Variants in STRA6 observed in about 807,000 individuals in gnomAD.
The protein encoded by STRA6 is signaling receptor and transporter of retinol STRA6, also known as receptor for retinol uptake STRA6.
Under a neutral mutation model 83.6 loss-of-function variants are expected in STRA6, and 48 were observed. That is an observed-to-expected ratio of 0.57 (90% CI 0.46 to 0.73). STRA6 has a LOEUF of 0.73. Ranked by LOEUF, STRA6 falls within the 30% of genes least tolerant of loss-of-function variation. STRA6 has a pLI of 0.00. For synonymous variants in STRA6, 353 were observed against 362.3 expected (o/e 0.97, Z 0.29); for missense variants, 760 against 838.8 (o/e 0.91, Z 1.16).
upstream of STRA6, among the ~76,000 whole-genome samples, chr15:74,203,436 G>A (rs2074173626): frequency 6.6e-6 from 1 of 152,204 alleles, no homozygotes; most frequent in South Asian, 2.1e-4. Flanking sequence ...CAGCCTGGAG[G>A]AAGGGGCGAG....
At chr15:74,207,225 A>C (rs1388606404), upstream of STRA6, among the ~76,000 whole-genome samples, 1 of 152,248 alleles carries the variant, frequency 6.6e-6, no homozygotes, top group Non-Finnish European at 1.5e-5. Flanking sequence ...AGAAGCTAAC[A>C]GCAGGCCAGA....
upstream of STRA6, among the ~76,000 whole-genome samples, chr15:74,207,430 T>C (rs1346008435): frequency 6.6e-6 from 1 of 151,748 alleles, no homozygotes; most frequent in Non-Finnish European, 1.5e-5. Context: ...CTGCAACACC[T>C]CAGGACACTC....
intron 2 of STRA6, among the ~76,000 whole-genome samples, chr15:74,201,742 G>A (rs1384113085): frequency 6.6e-6 from 1 of 152,014 alleles, no homozygotes; most frequent in African/African-American, 2.4e-5. Flanking sequence ...CTTGACACTT[G>A]GAAACACCAC....
Position 74,197,821 on chromosome 15 carries a change from G to A in STRA6, c.114-3C>T. ...TGGTGTGGCAGGAGGGCACTTCCCTGCAGAGCAAATGAAGGCTGGCTCAGG... is the reference window on the plus strand; with the variant it reads ...TGGTGTGGCAGGAGGGCACTTCCCTACAGAGCAAATGAAGGCTGGCTCAGG... On this transcript the variant is annotated splice_polypyrimidine_tract_variant and splice_region_variant and intron_variant, in intron 2 of 18. Coordinates refer to ENST00000395105, the MANE Select transcript of STRA6 (RefSeq NM_022369.4). 6.2e-7 allele frequency: 1 copy of A among 1,612,702 alleles called. No homozygotes were observed. The highest frequency in any genetic ancestry group is 1.3e-5 in the African/African-American group (1 of 75,054).
rs772927415 is a variant in STRA6, at chr15:74,189,208, C to T, written c.997G>A (p.Val333Ile). The change falls in exon 12 of 19, where the codon GTC (valine) becomes ATC (isoleucine). Residue 333 changes from valine (V) to isoleucine (I), a missense_variant. Coordinates refer to ENST00000395105, the MANE Select transcript of STRA6 (RefSeq NM_022369.4). ...QKVRAGVTTD[V>I]SYLLAGFGIV... Reference sequence around the variant, plus strand: ...CCAAAGCCGGCCAGCAGGTAGGAGACATCCGTGGTGACCCCTGCCCTCACC... The same window carrying T: ...CCAAAGCCGGCCAGCAGGTAGGAGATATCCGTGGTGACCCCTGCCCTCACC... 8 of 1,613,196 alleles carry T rather than the reference C, an allele frequency of 5.0e-6. No homozygotes were observed. The highest frequency in any genetic ancestry group is 6.8e-6 in the Non-Finnish European group (8 of 1,179,662).
In STRA6 at chr15:74,182,504, T is replaced by G. The variant is rs351240; in HGVS notation, c.1301-44A>C. The G allele has an allele frequency of 2.5e-3, 3,842 of 1,535,140 alleles. 68 individuals carry two copies. In the African/African-American group the frequency reaches 0.04, roughly 16 times the overall value. On this transcript the variant is annotated intron_variant, in intron 14 of 18. Transcript: ENST00000395105. ...GCAGGGGGACAGAAAACAGGTTCCA[T>G]GAAAACTGGCCATCCCCGCTGCCCC...
intron 1 of STRA6, 196 bp downstream of exon 1, chr15:74,202,517 C>A: frequency 1.3e-6 from 2 of 1,525,984 alleles, no homozygotes; most frequent in South Asian, 1.2e-5. Context: ...CCTTCCCGCC[C>A]ATCGCACTGG....
rs1057242854 is a variant in STRA6, at chr15:74,188,160, T to C, written c.1090+955A>G. On this transcript the variant is annotated intron_variant, in intron 12 of 18. Transcript: ENST00000395105. The surrounding 1 kb of genome is among the most constrained non-coding windows in gnomAD (Gnocchi z 4.5). ...GGTGGTCAGGGAAGGAAGTGGTCACTCCGTGCACCTCTGCCCACCCCCCAC... is the reference window on the plus strand; with the variant it reads ...GGTGGTCAGGGAAGGAAGTGGTCACCCCGTGCACCTCTGCCCACCCCCCAC... Among the ~76,000 whole-genome samples the C allele has an allele frequency of 1.3e-5, 2 of 152,116 alleles. No homozygotes were observed. The highest frequency in any genetic ancestry group is 2.4e-5 in the African/African-American group (1 of 41,422).
In STRA6 at chr15:74,190,906, A is replaced by C; in HGVS notation, c.866-5T>G. The C allele has an allele frequency of 6.2e-7, 1 of 1,614,160 alleles. No homozygotes were observed. The highest frequency in any genetic ancestry group is 1.1e-5 in the South Asian group (1 of 91,080). ...GCTTCAGCGGGAGATGGAATCCTGT[A>C]GTCCTCAAAGGAAGGAGTATGGTGA... is the stretch of plus-strand genomic sequence containing the variant. On this transcript the variant is annotated splice_polypyrimidine_tract_variant and splice_region_variant and intron_variant, in intron 10 of 18. Transcript: ENST00000395105.
upstream of STRA6, chr15:74,203,267 A>G (rs2074167269): frequency 1.7e-5 from 16 of 960,358 alleles, no homozygotes; most frequent in Non-Finnish European, 1.7e-5. Context: ...CAAGGCGGAA[A>G]TTAGCTCTTT....
chr15:74,194,876 G>C, intron 7 of STRA6: 2 of 1,382,580 alleles, frequency 1.4e-6, no homozygotes, highest in Admixed American at 3.2e-5. Flanking sequence ...GCAAGGTCCT[G>C]AGGTTCCGGA....
rs1032667623 is a variant in STRA6 at position 74,199,284 on chromosome 15, G to A, written c.114-1466C>T. On this transcript the variant is annotated intron_variant, in intron 2 of 18. Transcript: ENST00000395105. ...TCGCTTTCTCTCAGGAAATCCCAGC[G>A]GGTGAGCGGTGGGAAAGAAACCAGT... Among the ~76,000 whole-genome samples, 56 of 152,232 alleles carry A rather than the reference G, an allele frequency of 3.7e-4. 1 individual carries two copies. The highest frequency in any genetic ancestry group is 3.3e-3 in the Admixed American group (51 of 15,288).
upstream of STRA6, chr15:74,209,532 C>T: frequency 8.4e-7 from 1 of 1,193,922 alleles, no homozygotes; most frequent in Non-Finnish European, 1.2e-6. Context: ...GCTGGAATTC[C>T]AGGTATGATC....
At position 74,202,400 on chromosome 15, in the gene STRA6, T is replaced by C. The variant is rs907351525; in HGVS notation, c.-15-118A>G. 1.8e-5 allele frequency: 27 copies of C among 1,541,824 alleles called. No homozygotes were observed. The African/African-American group carries it at 2.9e-4, about 16-fold the overall frequency. ...ACAAAGAAACATTTCTCTTTAATCC[T>C]GAAGGTTACTTTCTTACTTTTAGCT... On this transcript the variant is annotated intron_variant, in intron 1 of 18. Coordinates refer to ENST00000395105, the MANE Select transcript of STRA6 (RefSeq NM_022369.4).
intron 7 of STRA6, chr15:74,194,932 CG>C: frequency 7.0e-7 from 1 of 1,423,790 alleles, no homozygotes; most frequent in Admixed American, 2.9e-5. Flanking sequence ...TCGCACTTGC[CG>C]GCCTCCATCA....
intron 1 of STRA6, 31 bp downstream of exon 1, chr15:74,202,682 C>A (rs947853071): frequency 3.6e-6 from 5 of 1,384,944 alleles, no homozygotes; most frequent in Non-Finnish European, 4.7e-6. Flanking sequence ...TCCCCTTTCC[C>A]AAGCCCACCT....
chr15:74,207,969 T>C, intron 1 of STRA6: 1 of 1,429,510 alleles, frequency 7.0e-7, no homozygotes, highest in Non-Finnish European at 9.2e-7. Context: ...CTACCTCCCC[T>C]GCCATGTGGG....
At chr15:74,199,093 G>A (rs144392035) in intron 2 of STRA6, among the ~76,000 whole-genome samples, 34 of 152,314 alleles carry the variant, frequency 2.2e-4, no homozygotes, top group African/African-American at 7.5e-4. Context: ...TCTGGTGGGC[G>A]AGGGCCTGAG....
chr15:74,208,114 TAGC>T (rs759960075), intron 1 of STRA6: 4 of 1,101,898 alleles, frequency 3.6e-6, no homozygotes, highest in Non-Finnish European at 3.4e-6. Context: ...AGGAGGAGGG[TAGC>T]CGGCTGTGCC....
Sources: allele counts gnomAD v4.1 joint callset (sites outside exome capture counted in the v4.1 genomes callset), GRCh38; gene constraint gnomAD v4.1.1; non-coding constraint Gnocchi (gnomAD v3.1); transcripts MANE v1.5; gene names NCBI Gene and HGNC (gene_info 2026-07-23, HGNC 2026-07-21).